Variants in PRKCQ observed in about 807,000 individuals in gnomAD.
PRKCQ encodes protein kinase C theta type.
In PRKCQ, 41 loss-of-function variants were observed where a neutral mutation model predicts 91.2. The observed-to-expected ratio is 0.45, with a 90% confidence interval of 0.35 to 0.58. The LOEUF (loss-of-function observed/expected upper bound fraction) is 0.58, where lower values mean the gene tolerates loss of function less well. Among genes scored for constraint, PRKCQ ranks in the 20% least tolerant of loss-of-function variants. The pLI is 0.00. For missense variants in PRKCQ, 673 were observed against 896.5 expected, an observed-to-expected ratio of 0.75 and a Z score of 3.18; for synonymous variants, 307 against 316.9, an observed-to-expected ratio of 0.97 and a Z score of 0.33.
the PRKCQ span, among the ~76,000 whole-genome samples, chr10:6,395,073 T>C: frequency 7.4e-5 from 11 of 148,076 alleles, no homozygotes; most frequent in South Asian, 2.2e-4. Flanking sequence ...TTTTTTTTTT[T>C]TTTTTTTGAG....
intron 1 of PRKCQ, among the ~76,000 whole-genome samples, chr10:6,556,503 A>C (rs1840421743): frequency 6.6e-6 from 1 of 151,674 alleles, no homozygotes; most frequent in Non-Finnish European, 1.5e-5. Context: ...CATAGAGACA[A>C]AGAGTAGAAG....
Position 6,545,123 on chromosome 10 carries a change from TATTA to T in PRKCQ, c.-9-29983_-9-29980del, listed in dbSNP as rs556483748. On this transcript the variant is annotated intron_variant, in intron 1 of 17. Transcript: ENST00000263125. ...GATTATCCAATTCAGTTAAAAATAA[TATTA>T]ATTACTGAGCACTCACAAATGTGTG... Among the ~76,000 whole-genome samples the T allele has an allele frequency of 3.9e-4, 59 of 152,334 alleles. No individual in the cohort carries two copies. In the South Asian group the frequency reaches 7.9e-3, roughly 20 times the overall value.
chr10:6,401,132 T>C, the PRKCQ span, among the ~76,000 whole-genome samples: 1 of 152,154 alleles, frequency 6.6e-6, no homozygotes, highest in Non-Finnish European at 1.5e-5. Flanking sequence ...CTCAGAACAT[T>C]ACTCTTGTCC....
At chr10:6,450,018 G>A (rs1564306486) in intron 15 of PRKCQ, among the ~76,000 whole-genome samples, 1 of 151,050 alleles carries the variant, frequency 6.6e-6, no homozygotes, top group Non-Finnish European at 1.5e-5. Flanking sequence ...GGAAGAAACT[G>A]CATCAACTAA....
chr10:6,528,454 C>G (rs1839276224), intron 1 of PRKCQ, among the ~76,000 whole-genome samples: 1 of 152,154 alleles, frequency 6.6e-6, no homozygotes, highest in Non-Finnish European at 1.5e-5. Context: ...CTGACACAGT[C>G]CAGCATCGCC....
intron 16 of PRKCQ, among the ~76,000 whole-genome samples, chr10:6,438,703 C>T (rs933778119): frequency 7.9e-5 from 12 of 152,090 alleles, no homozygotes; most frequent in African/African-American, 2.9e-4. Flanking sequence ...TCAAGTGATC[C>T]TCCCATCTCA....
chr10:6,491,823 G>A lies in PRKCQ; in HGVS notation c.661-11C>T. 6.2e-7 allele frequency: 1 copy of A among 1,614,162 alleles called. No individual in the cohort carries two copies. The highest frequency in any genetic ancestry group is 1.1e-5 in the South Asian group (1 of 91,074). Reference sequence around the variant, plus strand: ...TCTCTCCTTGTGGAACTGAAAGAAAGGCAGAAGGTGAAATCTGTGTATTCC... The same window carrying A: ...TCTCTCCTTGTGGAACTGAAAGAAAAGCAGAAGGTGAAATCTGTGTATTCC... On this transcript the variant is annotated splice_polypyrimidine_tract_variant and intron_variant, in intron 7 of 17. Transcript: ENST00000263125.
In PRKCQ at chr10:6,438,597, C is replaced by A. The variant is rs1376854348; in HGVS notation, c.1836+3296G>T. Among the ~76,000 whole-genome samples the A allele has an allele frequency of 3.4e-5, 5 of 148,492 alleles. No homozygotes were observed. The South Asian group carries it at 1.1e-3, about 32-fold the overall frequency. On this transcript the variant is annotated intron_variant, in intron 16 of 17. Transcript: ENST00000263125. ...CCACTTCCTTTAGATGTGCTAGACTCTTTTTTTTTTGCGGGGGGGACAGGG... is the reference window on the plus strand; with the variant it reads ...CCACTTCCTTTAGATGTGCTAGACTATTTTTTTTTTGCGGGGGGGACAGGG...
intron 1 of PRKCQ, among the ~76,000 whole-genome samples, chr10:6,572,154 G>A (rs943453): frequency 0.92 from 139,768 of 152,238 alleles, 65,131 homozygotes; most frequent in Non-Finnish European, 1. Flanking sequence ...TCTAGCCCCT[G>A]AGCTCATCTG....
At chr10:6,511,260 T>A (rs1373719571) in intron 2 of PRKCQ, 66 bp from the exon 3 acceptor site, 1 of 1,450,304 alleles carries the variant, frequency 6.9e-7, no homozygotes. Flanking sequence ...TCAGTTCAAC[T>A]CAACAGTAGC....
chr10:6,514,553 T>G (rs943576037), intron 2 of PRKCQ, among the ~76,000 whole-genome samples: 1 of 152,244 alleles, frequency 6.6e-6, no homozygotes, highest in Non-Finnish European at 1.5e-5. Context: ...TGGATTCTAA[T>G]GGCTAATTAT....
intron 7 of PRKCQ, among the ~76,000 whole-genome samples, chr10:6,495,463 T>C (rs11259212): frequency 0.19 from 28,492 of 152,128 alleles, 2,749 homozygotes; most frequent in Non-Finnish European, 0.2. Flanking sequence ...GCTCTGTCAC[T>C]CTTCAGCTGT....
chr10:6,455,196 G>A (rs190398900), intron 15 of PRKCQ, among the ~76,000 whole-genome samples: 3 of 152,266 alleles, frequency 2.0e-5, no homozygotes, highest in African/African-American at 7.2e-5. Flanking sequence ...AGTTGAGTCC[G>A]TCCTCTTAAG....
chr10:6,569,555 C>T (rs1840959345), intron 1 of PRKCQ, among the ~76,000 whole-genome samples: 1 of 152,140 alleles, frequency 6.6e-6, no homozygotes, highest in African/African-American at 2.4e-5. Flanking sequence ...TTCCAGAAGG[C>T]AGCCCATGGT....
chr10:6,568,447 A>T (rs1430218219), intron 1 of PRKCQ, among the ~76,000 whole-genome samples: 1 of 150,136 alleles, frequency 6.7e-6, no homozygotes, highest in Non-Finnish European at 1.5e-5. Context: ...CTTATAGAAT[A>T]TTTTTGAATA....
rs192614420 is a variant in PRKCQ, at chr10:6,512,754, C to T, written c.119-1560G>A. Among the ~76,000 whole-genome samples, 12 of 152,170 alleles carry T rather than the reference C, an allele frequency of 7.9e-5. No individual in the cohort carries two copies. In the South Asian group the frequency reaches 8.3e-4, roughly 11 times the overall value. On this transcript the variant is annotated intron_variant, in intron 2 of 17. Coordinates refer to ENST00000263125, the MANE Select transcript of PRKCQ (RefSeq NM_006257.5). Reference sequence around the variant, plus strand: ...GCATTTGTTAAATTAATATTTATTTCGGGGGTATACAAGGAGTTGAATAAG... The same window carrying T: ...GCATTTGTTAAATTAATATTTATTTTGGGGGTATACAAGGAGTTGAATAAG...
chr10:6,497,117 C>A lies in PRKCQ; in HGVS notation c.578G>T (p.Cys193Phe). 1 of 1,613,936 alleles carries A rather than the reference C, an allele frequency of 6.2e-7. No individual in the cohort carries two copies. The highest frequency in any genetic ancestry group is 8.5e-7 in the Non-Finnish European group (1 of 1,179,930). Residue 193 changes from cysteine to phenylalanine, a missense_variant, in exon 7 of 18, where the codon TGC (cysteine) becomes TTC (phenylalanine). Physicochemically the swap from Cys to Phe is radical, Grantham distance 205. Transcript: ENST00000263125. The surrounding 1 kb of genome is among the most constrained non-coding windows in gnomAD (Gnocchi z 4.5). ...ACACTTCTTGTGAATTGCTGCATTG[C>A]ATTCTGAAAAGAAGAAAAAAATCAC... ...LNKQGYQCRQ[C>F]NAAIHKKCID...
chr10:6,574,505 G>A (rs112986807), intron 1 of PRKCQ, among the ~76,000 whole-genome samples: 1 of 152,174 alleles, frequency 6.6e-6, no homozygotes, highest in African/African-American at 2.4e-5. Context: ...GGAGGATAAC[G>A]TATATGGTTC....
intron 15 of PRKCQ, among the ~76,000 whole-genome samples, chr10:6,448,117 CT>C (rs1056419886): frequency 6.6e-6 from 1 of 152,056 alleles, no homozygotes; most frequent in Non-Finnish European, 1.5e-5. Flanking sequence ...TCAGTATACA[CT>C]TAGAGATGAA....
Sources: allele counts gnomAD v4.1 joint callset (sites outside exome capture counted in the v4.1 genomes callset), GRCh38; gene constraint gnomAD v4.1.1; non-coding constraint Gnocchi (gnomAD v3.1); transcripts MANE v1.5; gene names NCBI Gene and HGNC (gene_info 2026-07-23, HGNC 2026-07-21).